IL1RAPL1: variants seen among roughly 807,000 people sequenced by gnomAD.
IL1RAPL1 encodes the protein interleukin-1 receptor accessory protein-like 1.
IL1RAPL1 carries 3 observed loss-of-function variants against 48.4 expected under a neutral mutation model. The observed-to-expected ratio is 0.06, with a 90% CI of 0.03 to 0.16. IL1RAPL1 has a LOEUF of 0.16. Ranked by LOEUF, IL1RAPL1 falls within the 10% of genes least tolerant of loss-of-function variation. The probability of loss-of-function intolerance (pLI) is 1.00; values close to 1 mark genes in which losing one functional copy is unlikely to be tolerated. For missense variants in IL1RAPL1, 349 were observed against 530.6 expected, an observed-to-expected ratio of 0.66 and a Z score of 3.36; for synonymous variants, 185 against 187.7, an observed-to-expected ratio of 0.99 and a Z score of 0.12.
chrX:28,826,060 T>G (rs192760631), intron 2 of IL1RAPL1, among the ~76,000 whole-genome samples: 392 of 111,928 alleles, frequency 3.5e-3, no homozygotes, highest in Non-Finnish European at 5.4e-3. Context: ...GTTATCAAAA[T>G]CTTTACCTAA....
chrX:29,124,894 G>A (rs1928869051), intron 2 of IL1RAPL1, among the ~76,000 whole-genome samples: 1 of 111,992 alleles, frequency 8.9e-6, no homozygotes, highest in Non-Finnish European at 1.9e-5. Context: ...CAGGAATAGT[G>A]TATTGTTCAC....
intron 6 of IL1RAPL1, among the ~76,000 whole-genome samples, chrX:29,687,313 T>A (rs1926652126): frequency 8.9e-6 from 1 of 112,394 alleles, no homozygotes; most frequent in Admixed American, 9.4e-5. Context: ...TGAAATACTA[T>A]TCCATCATGA....
intron 6 of IL1RAPL1, among the ~76,000 whole-genome samples, chrX:29,861,812 C>G (rs1417848811): frequency 9.0e-6 from 1 of 111,659 alleles, no homozygotes; most frequent in Non-Finnish European, 1.9e-5. Context: ...ATTTCCCTAG[C>G]TGTTAAATCC....
rs1932996779 is a variant in IL1RAPL1, at chrX:29,336,323, G to GTGTGGGTGTGTGTGTGTGTGTGTT, written c.362+53110_362+53111insGGTGTGTGTGTGTGTGTGTTTGTG. Among the ~76,000 whole-genome samples, 11 of 33,494 alleles carry GTGTGGGTGTGTGTGTGTGTGTGTT rather than the reference G, an allele frequency of 3.3e-4. 1 individual carries two copies. The highest frequency in any genetic ancestry group is 3.2e-3 in the Admixed American group (11 of 3,428). The allele number at this position is 33,494 out of a possible 115,157, so 29.1% of individuals were successfully genotyped here. A position where few individuals can be genotyped will look rare whatever the true frequency, so the allele number is the denominator to read the frequency against. The stretch of plus-strand genomic sequence containing the variant: ...TTTTGGGGTGTGTGTGTGTGTGTGT[G>GTGTGGGTGTGTGTGTGTGTGTGTT]TGTGTGTGTGTGTGTGTGTGTGTGT... On this transcript the variant is annotated intron_variant, in intron 3 of 10. Coordinates refer to ENST00000378993, the MANE Select transcript of IL1RAPL1 (RefSeq NM_014271.4).
chrX:29,595,957 T>C (rs112114301), intron 5 of IL1RAPL1, among the ~76,000 whole-genome samples: 5,212 of 111,566 alleles, frequency 0.047, 300 homozygotes, highest in African/African-American at 0.16. Flanking sequence ...GTGTGTAGCT[T>C]GCCAATTATC....
chrX:29,228,494 A>G (rs1931133119), intron 2 of IL1RAPL1, among the ~76,000 whole-genome samples: 1 of 107,338 alleles, frequency 9.3e-6, no homozygotes, highest in African/African-American at 3.4e-5. Context: ...AGCTGGGATT[A>G]CAGATGCGTG....
intron 2 of IL1RAPL1, among the ~76,000 whole-genome samples, chrX:29,111,832 AC>A (rs1196499098): frequency 9.1e-6 from 1 of 110,368 alleles, no homozygotes; most frequent in Non-Finnish European, 1.9e-5. Context: ...ATAAGAGGTA[AC>A]TATCTGTCCC....
intron 2 of IL1RAPL1, among the ~76,000 whole-genome samples, chrX:29,259,235 T>C (rs1220599766): frequency 8.9e-6 from 1 of 111,971 alleles, no homozygotes; most frequent in Non-Finnish European, 1.9e-5. Context: ...CATACTTTCT[T>C]AACTCAATTT....
At chrX:28,634,441 AT>A (rs1934440380) in intron 1 of IL1RAPL1, among the ~76,000 whole-genome samples, 1 of 109,204 alleles carries the variant, frequency 9.2e-6, no homozygotes, top group Non-Finnish European at 1.9e-5. Flanking sequence ...ATATACACGT[AT>A]TTATATATGT....
intron 6 of IL1RAPL1, among the ~76,000 whole-genome samples, chrX:29,844,364 G>GGGT (rs1307180913): frequency 9.0e-6 from 1 of 111,309 alleles, no homozygotes; most frequent in Non-Finnish European, 1.9e-5. Context: ...GTATGATGAG[G>GGGT]GGTGCCATTT....
At chrX:29,745,443 T>G (rs1305761034) in intron 6 of IL1RAPL1, among the ~76,000 whole-genome samples, 3 of 81,663 alleles carry the variant, frequency 3.7e-5, no homozygotes, top group Non-Finnish European at 7.1e-5. Context: ...TTTTTTTTTT[T>G]TTTTTTTTTT....
chrX:28,911,806 T>A (rs1316064801), intron 2 of IL1RAPL1, among the ~76,000 whole-genome samples: 1 of 109,085 alleles, frequency 9.2e-6, no homozygotes, highest in Non-Finnish European at 1.9e-5. Flanking sequence ...AGAAGGTATA[T>A]TGCTTCCAAT....
chrX:28,792,513 C>T (rs748413975), intron 2 of IL1RAPL1, among the ~76,000 whole-genome samples: 8 of 96,185 alleles, frequency 8.3e-5, no homozygotes, highest in East Asian at 3.3e-4. Flanking sequence ...GCAGGCCGGG[C>T]GCGTTGGCTC....
At position 28,873,533 on chromosome X, in the gene IL1RAPL1, T is replaced by C. The variant is rs1163513411; in HGVS notation, c.82+84108T>C. On this transcript the variant is annotated intron_variant, in intron 2 of 10. Transcript: ENST00000378993. ...TTGTTTTCTTTCTTTCTTTTTTTTT[T>C]TTTTTTTTTTTTTTTTGAGACGGAG... Among the ~76,000 whole-genome samples the C allele has an allele frequency of 3.2e-4, 26 of 81,183 alleles. 1 individual carries two copies. The highest frequency in any genetic ancestry group is 1.2e-3 in the African/African-American group (25 of 20,914). 70.5% of individuals were successfully genotyped at this position (81,183 alleles called of 115,157 possible). A position where few individuals can be genotyped will look rare whatever the true frequency, so the allele number is the denominator to read the frequency against.
At chrX:29,916,953 A>C (rs2147237458) in intron 6 of IL1RAPL1, among the ~76,000 whole-genome samples, 1 of 112,415 alleles carries the variant, frequency 8.9e-6, no homozygotes, top group Admixed American at 9.4e-5. Flanking sequence ...ATTCTCTATG[A>C]ATTAAAAATA....
chrX:29,880,701 T>C (rs1158810150), intron 6 of IL1RAPL1, among the ~76,000 whole-genome samples: 4 of 111,886 alleles, frequency 3.6e-5, no homozygotes, highest in Non-Finnish European at 7.5e-5. Context: ...ACTTCCCTTT[T>C]GACAGGAAAT....
Position 28,705,856 on chromosome X carries a change from A to G in IL1RAPL1, c.-24-83464A>G, listed in dbSNP as rs187498042. Among the ~76,000 whole-genome samples the G allele has an allele frequency of 5.3e-5, 6 of 112,266 alleles. No individual in the cohort carries two copies. The East Asian group carries it at 1.7e-3, about 32-fold the overall frequency. ...TTATCCAGTAGCTACAACTAGTAAAATTGTGATAAATTAATAAATGAAGTG... is the reference window on the plus strand; with the variant it reads ...TTATCCAGTAGCTACAACTAGTAAAGTTGTGATAAATTAATAAATGAAGTG... On this transcript the variant is annotated intron_variant, in intron 1 of 10. Transcript: ENST00000378993.
chrX:28,791,910 C>T lies in IL1RAPL1; in HGVS notation c.82+2485C>T, dbSNP rs760858731. 2.7e-5 allele frequency among the ~76,000 whole-genome samples: 3 copies of T among 111,698 alleles called. No homozygotes were observed. The East Asian group carries it at 8.4e-4, about 31-fold the overall frequency. On this transcript the variant is annotated intron_variant, in intron 2 of 10. Coordinates refer to ENST00000378993, the MANE Select transcript of IL1RAPL1 (RefSeq NM_014271.4). Reference sequence around the variant, plus strand: ...TAGCTTACTGAATAGTGTCATTACTCATCTCCATACATCAAGTAGAAGAGG... The same window carrying T: ...TAGCTTACTGAATAGTGTCATTACTTATCTCCATACATCAAGTAGAAGAGG...
chrX:28,850,475 C>T (rs1421917436), intron 2 of IL1RAPL1, among the ~76,000 whole-genome samples: 1 of 110,911 alleles, frequency 9.0e-6, no homozygotes, highest in African/African-American at 3.3e-5. Flanking sequence ...GCAATGTGAG[C>T]TCAAGAATCC....
Sources: allele counts gnomAD v4.1 joint callset (sites outside exome capture counted in the v4.1 genomes callset), GRCh38; gene constraint gnomAD v4.1.1; transcripts MANE v1.5; gene names NCBI Gene and HGNC (gene_info 2026-07-23, HGNC 2026-07-21).